The following CSMD1 variants were observed in gnomAD, a reference collection of about 807,000 sequenced individuals.
CSMD1 encodes CUB and Sushi multiple domains 1.
Under a neutral mutation model 417.5 loss-of-function variants are expected in CSMD1, and 213 were observed. The observed-to-expected ratio is 0.51, with a 90% CI of 0.46 to 0.57. The LOEUF is 0.57. Ranked by LOEUF, CSMD1 falls within the 20% of genes least tolerant of loss-of-function variation. The pLI, the probability that CSMD1 is intolerant of heterozygous loss-of-function variation, is 0.00. For synonymous variants in CSMD1, 2,862 were observed against 1,736.8 expected (o/e 1.65, Z -16.11); for missense variants, 6,923 against 4,529.7 (o/e 1.53, Z -15.17).
chr8:4,114,997 G>C (rs1384268677), intron 3 of CSMD1, among the ~76,000 whole-genome samples: 1 of 152,146 alleles, frequency 6.6e-6, no homozygotes, highest in East Asian at 1.9e-4. Context: ...GATTATTATA[G>C]AAACCTAGTT....
Position 4,416,184 on chromosome 8 carries a change from G to A in CSMD1, c.415+3769C>T, listed in dbSNP as rs190405732. 4.1e-4 allele frequency among the ~76,000 whole-genome samples: 62 copies of A among 152,258 alleles called. 1 individual carries two copies. Among genetic ancestry groups the A allele is most frequent in the African/African-American group, 1.2e-3 (51 of 41,552 alleles). On this transcript the variant is annotated intron_variant, in intron 3 of 69. Coordinates refer to ENST00000635120, the MANE Select transcript of CSMD1 (RefSeq NM_033225.6). ...TAGTGATTCTAGTTAATAAATACCG[G>A]AGTCACTGTTTTGATTCAGAGCTGC...
chr8:3,333,919 C>A (rs932915406), intron 23 of CSMD1, among the ~76,000 whole-genome samples: 1 of 152,166 alleles, frequency 6.6e-6, no homozygotes, highest in Non-Finnish European at 1.5e-5. Context: ...TTATTATTGA[C>A]AAAATTAGAT....
At chr8:4,141,070 C>A (rs550205946) in intron 3 of CSMD1, among the ~76,000 whole-genome samples, 1 of 151,076 alleles carries the variant, frequency 6.6e-6, no homozygotes, top group Non-Finnish European at 1.5e-5. Context: ...ATAAAATATC[C>A]CCCAAATCTA....
chr8:3,179,168 A>T (rs180842542), intron 37 of CSMD1, among the ~76,000 whole-genome samples: 9 of 151,484 alleles, frequency 5.9e-5, no homozygotes, highest in East Asian at 2.0e-4. Flanking sequence ...GACTGTCTCG[A>T]TCTCCTGACC....
chr8:3,796,379 T>TAAATATAGATATCTATCATGTATATAG (rs1554440716), intron 5 of CSMD1, among the ~76,000 whole-genome samples: 2 of 48,196 alleles, frequency 4.1e-5, no homozygotes, highest in African/African-American at 1.4e-4. Flanking sequence ...CTATCATGTA[T>TAAATATAGATATCTATCATGTATATAG]ATATATATCT....
At chr8:4,707,436 G>T (rs1808011271) in intron 1 of CSMD1, among the ~76,000 whole-genome samples, 1 of 152,200 alleles carries the variant, frequency 6.6e-6, no homozygotes, top group Non-Finnish European at 1.5e-5. Context: ...GTGCAGGAAT[G>T]CTGATGGTGG....
chr8:3,232,318 G>T (rs1174008820), intron 26 of CSMD1, among the ~76,000 whole-genome samples: 1 of 152,140 alleles, frequency 6.6e-6, no homozygotes, highest in African/African-American at 2.4e-5. Context: ...TGTCTTAAAT[G>T]CTTAACTGGA....
At chr8:4,570,269 G>A (rs1298002715) in intron 2 of CSMD1, among the ~76,000 whole-genome samples, 1 of 152,190 alleles carries the variant, frequency 6.6e-6, no homozygotes, top group African/African-American at 2.4e-5. Flanking sequence ...GACATTGGCT[G>A]TGGGTTTGTC....
At chr8:3,200,188 C>T (rs967906054) in intron 32 of CSMD1, among the ~76,000 whole-genome samples, 1 of 151,946 alleles carries the variant, frequency 6.6e-6, no homozygotes, top group Non-Finnish European at 1.5e-5. Context: ...TTAAAAGTAA[C>T]TGAATCCAAA....
chr8:3,807,265 C>G (rs910856896), intron 5 of CSMD1, among the ~76,000 whole-genome samples: 10 of 152,088 alleles, frequency 6.6e-5, no homozygotes, highest in Non-Finnish European at 1.5e-4. Context: ...CTTTGATCAA[C>G]AGAAACTTAA....
At chr8:3,130,478 A>C (rs1031283445) in intron 41 of CSMD1, among the ~76,000 whole-genome samples, 1 of 151,560 alleles carries the variant, frequency 6.6e-6, no homozygotes, top group East Asian at 1.9e-4. Flanking sequence ...CATTCTCTGC[A>C]TGTAAGCAAC....
Position 2,998,073 on chromosome 8 carries a change from C to G in CSMD1, c.8315G>C (p.Gly2772Ala). 6.2e-7 allele frequency: 1 copy of G among 1,613,998 alleles called. No homozygotes were observed. The change falls in exon 54 of 70, where the codon GGC becomes GCC. Residue 2772 changes from glycine (G) to alanine (A), a missense_variant. Transcript: ENST00000635120. ...GCTCCGACACTGGGCTCGAGACACG[C>G]CCTGCAGCAAATAGCCCGTGTTGCA... Reference protein sequence around the residue: ...FTCNTGYLLQGVSRAQCRSNG... With the variant: ...FTCNTGYLLQAVSRAQCRSNG...
At chr8:4,870,991 C>G (rs145200811) in intron 1 of CSMD1, among the ~76,000 whole-genome samples, 266 of 152,172 alleles carry the variant, frequency 1.7e-3, no homozygotes, top group African/African-American at 6.2e-3. Flanking sequence ...GGGGATGCCA[C>G]AGGGTCTGGT....
At chr8:3,502,968 G>A (rs372158441) in intron 10 of CSMD1, among the ~76,000 whole-genome samples, 1 of 152,142 alleles carries the variant, frequency 6.6e-6, no homozygotes, top group South Asian at 2.1e-4. Flanking sequence ...GATGCTTACA[G>A]TGGGGAGGTT....
intron 1 of CSMD1, among the ~76,000 whole-genome samples, chr8:4,857,208 T>C (rs1446666383): frequency 6.7e-6 from 1 of 149,922 alleles, no homozygotes; most frequent in Non-Finnish European, 1.5e-5. Context: ...AAGATGTTCT[T>C]TGAAACCAAC....
At chr8:4,078,952 A>G (rs973492151) in intron 3 of CSMD1, among the ~76,000 whole-genome samples, 6 of 135,898 alleles carry the variant, frequency 4.4e-5, no homozygotes, top group African/African-American at 1.7e-4. Flanking sequence ...TGTATGTTGA[A>G]AAGCTATCTT....
intron 12 of CSMD1, among the ~76,000 whole-genome samples, chr8:3,430,142 C>G (rs139604062): frequency 2.0e-5 from 3 of 152,086 alleles, no homozygotes; most frequent in Non-Finnish European, 4.4e-5. Flanking sequence ...TACATACAAA[C>G]ATATGAATAT....
chr8:4,896,037 T>C (rs562913385), intron 1 of CSMD1, among the ~76,000 whole-genome samples: 75 of 152,256 alleles, frequency 4.9e-4, no homozygotes, highest in Non-Finnish European at 1.0e-3. Context: ...GATTCTACAA[T>C]TCTTTGTAGT....
intron 1 of CSMD1, among the ~76,000 whole-genome samples, chr8:4,680,975 T>TGTGTGTGTGTGTGTGTGAGA (rs767579851): frequency 2.2e-5 from 3 of 136,682 alleles, no homozygotes; most frequent in Non-Finnish European, 4.7e-5. Context: ...TGTGTGTGTG[T>TGTGTGTGTGTGTGTGTGAGA]GAGAGAGAGA....
Sources: gnomAD v4.1 joint callset for allele counts (sites outside exome capture counted in the v4.1 genomes callset) on GRCh38, gnomAD v4.1.1 for gene constraint, MANE v1.5 for transcripts, NCBI Gene and HGNC (gene_info 2026-07-23, HGNC 2026-07-21) for gene names.